TUNAR: variants seen among roughly 807,000 people sequenced by gnomAD.
TUNAR encodes protein TUNAR.
At position 95,900,082 on chromosome 14, in the gene TUNAR, G is replaced by T. The variant is rs559939304; in HGVS notation, c.13-22699G>T. On this transcript the variant is annotated intron_variant, in intron 2 of 2. Transcript: ENST00000678517. ...GGAATCTGAGACTGAGCCATTTATT[G>T]GGAGCTTTTCTTTATTCCTTTTTTT... is the stretch of plus-strand genomic sequence containing the variant. Among the ~76,000 whole-genome samples, 5 of 152,232 alleles carry T rather than the reference G, an allele frequency of 3.3e-5. No individual in the cohort carries two copies. The East Asian group carries it at 9.6e-4, about 29-fold the overall frequency.
intron 2 of TUNAR, among the ~76,000 whole-genome samples, chr14:95,897,911 CCT>C (rs1595119647): frequency 6.6e-6 from 1 of 152,104 alleles, no homozygotes; most frequent in East Asian, 1.9e-4. Flanking sequence ...TTTCATACCG[CCT>C]GTTCCATTGA....
chr14:95,879,805 T>A (rs1380178658), intron 2 of TUNAR, among the ~76,000 whole-genome samples: 2 of 152,202 alleles, frequency 1.3e-5, no homozygotes, highest in African/African-American at 4.8e-5. Context: ...GGATTTCTTT[T>A]GGGAGAACAA....
intron 2 of TUNAR, among the ~76,000 whole-genome samples, chr14:95,896,215 T>C (rs1889266342): frequency 1.3e-5 from 2 of 152,138 alleles, no homozygotes; most frequent in African/African-American, 4.8e-5. Context: ...GATTATGCAG[T>C]GAGCTGTGGA....
chr14:95,897,689 A>C (rs557072594), intron 2 of TUNAR, among the ~76,000 whole-genome samples: 4 of 152,242 alleles, frequency 2.6e-5, no homozygotes, highest in Admixed American at 1.3e-4. Flanking sequence ...GATCAATGCC[A>C]GAACCCCTAG....
intron 2 of TUNAR, among the ~76,000 whole-genome samples, chr14:95,918,059 T>C (rs984281032): frequency 6.6e-6 from 1 of 152,254 alleles, no homozygotes; most frequent in African/African-American, 2.4e-5. Context: ...ATGTCAGACA[T>C]TGACTGGCCC....
chr14:95,903,218 T>C (rs1038973120), intron 2 of TUNAR, among the ~76,000 whole-genome samples: 1 of 152,222 alleles, frequency 6.6e-6, no homozygotes, highest in African/African-American at 2.4e-5. Context: ...TTTGCCCATT[T>C]ATAAAATGTG....
At chr14:95,896,313 T>TG (rs1183981138) in intron 2 of TUNAR, among the ~76,000 whole-genome samples, 1 of 152,132 alleles carries the variant, frequency 6.6e-6, no homozygotes, top group Non-Finnish European at 1.5e-5. Context: ...TCAAGCTCAA[T>TG]GGGGAAACTG....
intron 2 of TUNAR, among the ~76,000 whole-genome samples, chr14:95,890,955 A>G (rs1836335701): frequency 6.6e-6 from 1 of 152,220 alleles, no homozygotes; most frequent in African/African-American, 2.4e-5. Flanking sequence ...GTCCTCAGAA[A>G]TCATTGTTAA....
intron 2 of TUNAR, among the ~76,000 whole-genome samples, chr14:95,903,025 C>G (rs1057125114): frequency 6.6e-6 from 1 of 152,044 alleles, no homozygotes; most frequent in Admixed American, 6.5e-5. Flanking sequence ...TGATTGTTTC[C>G]CATTGAATCC....
chr14:95,891,421 A>G (rs1031099019), intron 2 of TUNAR, among the ~76,000 whole-genome samples: 3 of 152,174 alleles, frequency 2.0e-5, no homozygotes, highest in Non-Finnish European at 2.9e-5. Flanking sequence ...TGCGATTCAT[A>G]TAAGTTCTGT....
rs530452471 is a variant in TUNAR, at chr14:95,895,942, T to C, written c.12+18765T>C. On this transcript the variant is annotated intron_variant, in intron 2 of 2. Coordinates refer to ENST00000678517, the Ensembl canonical transcript of TUNAR. The surrounding 1 kb of genome is among the most constrained non-coding windows in gnomAD (Gnocchi z 4.5). Reference sequence around the variant, plus strand: ...ATCCACCACCAGGTGGCCTTTTTCTTGGTAAGTTCCTTACAAAGCAACATG... The same window carrying C: ...ATCCACCACCAGGTGGCCTTTTTCTCGGTAAGTTCCTTACAAAGCAACATG... The C allele has an allele frequency of 2.0e-5, 3 of 152,352 alleles. No individual in the cohort carries two copies. Among genetic ancestry groups the C allele is most frequent in the South Asian group, 4.1e-4 (2 of 4,830 alleles). The allele number at this position is 152,352 out of a possible 1,614,324, so 9.4% of individuals were successfully genotyped here. A position where few individuals can be genotyped will look rare whatever the true frequency, so the allele number is the denominator to read the frequency against.
chr14:95,879,887 G>A (rs558670020), intron 2 of TUNAR, among the ~76,000 whole-genome samples: 32 of 152,236 alleles, frequency 2.1e-4, no homozygotes, highest in Middle Eastern at 3.4e-3. Flanking sequence ...CTAAGTCAGG[G>A]CTTGAGACCA....
At chr14:95,913,775 T>A (rs1373157276) in intron 2 of TUNAR, among the ~76,000 whole-genome samples, 1 of 152,024 alleles carries the variant, frequency 6.6e-6, no homozygotes, top group Non-Finnish European at 1.5e-5. Context: ...ACTCTGTCAC[T>A]AGGCTGGAGT....
At chr14:95,879,063 C>G (rs1433660145) in intron 2 of TUNAR, among the ~76,000 whole-genome samples, 2 of 152,170 alleles carry the variant, frequency 1.3e-5, no homozygotes, top group African/African-American at 4.8e-5. Flanking sequence ...CTTAGCTTGG[C>G]TGCAGAGGGG....
chr14:95,925,472 G>A (rs1469144255), exon 3 of TUNAR: 1 of 152,200 alleles, frequency 6.6e-6, no homozygotes, highest in Non-Finnish European at 1.5e-5. Context: ...GTGTCAGGGG[G>A]AAGGAGCTAC....
intron 2 of TUNAR, among the ~76,000 whole-genome samples, chr14:95,912,402 T>G (rs983777459): frequency 3.9e-5 from 6 of 152,366 alleles, no homozygotes; most frequent in African/African-American, 1.4e-4. Context: ...CGACACTGCC[T>G]TTTATTGTAA....
At chr14:95,925,486 G>A (rs1332428019) in exon 3 of TUNAR, 1 of 152,178 alleles carries the variant, frequency 6.6e-6, no homozygotes, top group Non-Finnish European at 1.5e-5. Flanking sequence ...GAGCTACTCA[G>A]TAGGCTCTGT....
intron 2 of TUNAR, among the ~76,000 whole-genome samples, chr14:95,907,262 C>T (rs1889441511): frequency 6.6e-6 from 1 of 152,172 alleles, no homozygotes; most frequent in South Asian, 2.1e-4. Context: ...AGTGGATGAA[C>T]TTGCGTGTGT....
intron 2 of TUNAR, among the ~76,000 whole-genome samples, chr14:95,916,802 GTTTTAGTTC>G (rs1299881829): frequency 6.6e-6 from 1 of 152,226 alleles, no homozygotes; most frequent in African/African-American, 2.4e-5. Context: ...CTTGTCAGAT[GTTTTAGTTC>G]TTGCCAATCT....
Sources: gnomAD v4.1 joint callset for allele counts (sites outside exome capture counted in the v4.1 genomes callset) on GRCh38, gnomAD v4.1.1 for gene constraint, Gnocchi (gnomAD v3.1) non-coding constraint, MANE v1.5 for transcripts, NCBI Gene and HGNC (gene_info 2026-07-23, HGNC 2026-07-21) for gene names.